CAPZB: variants seen among roughly 807,000 people sequenced by gnomAD.
CAPZB encodes the protein capping actin protein of muscle Z-line subunit beta.
A neutral mutation model predicts 38.1 loss-of-function variants in CAPZB; 2 were observed. The observed-to-expected ratio is 0.05, with a 90% CI of 0.02 to 0.17. The LOEUF (loss-of-function observed/expected upper bound fraction) is 0.17, where lower values mean the gene tolerates loss of function less well. CAPZB is among the 10% of genes least tolerant of loss of function. The pLI is 1.00. For missense variants in CAPZB, 161 were observed against 334.2 expected, an observed-to-expected ratio of 0.48 and a Z score of 4.04; for synonymous variants, 107 against 127.4, an observed-to-expected ratio of 0.84 and a Z score of 1.08.
chr1:19,390,982 G>A (rs573199337), intron 2 of CAPZB, among the ~76,000 whole-genome samples: 9 of 152,250 alleles, frequency 5.9e-5, no homozygotes, highest in East Asian at 1.9e-4. Flanking sequence ...CCGGAGCCAC[G>A]CAGCTACGGG....
intron 1 of CAPZB, chr1:19,449,286 A>G: frequency 9.5e-7 from 1 of 1,054,752 alleles, no homozygotes; most frequent in Admixed American, 4.5e-5. Context: ...CCAGAAGAGG[A>G]AATGCACTGG....
At chr1:19,411,154 G>A (rs2094355499) in intron 2 of CAPZB, among the ~76,000 whole-genome samples, 1 of 152,086 alleles carries the variant, frequency 6.6e-6, no homozygotes, top group South Asian at 2.1e-4. Context: ...CTTGAGTTCA[G>A]AAGTTTGAGA....
At chr1:19,399,717 T>A (rs1014247238) in intron 2 of CAPZB, among the ~76,000 whole-genome samples, 2 of 152,174 alleles carry the variant, frequency 1.3e-5, no homozygotes, top group Non-Finnish European at 2.9e-5. Flanking sequence ...CTACCTGGTT[T>A]ATTCAAGTTC....
intron 1 of CAPZB, among the ~76,000 whole-genome samples, chr1:19,458,495 C>T (rs35547176): frequency 0.31 from 47,444 of 152,022 alleles, 7,511 homozygotes; most frequent in Non-Finnish European, 0.34. Flanking sequence ...GCTGGGATTA[C>T]AGGTGCCTGC....
At chr1:19,456,587 C>T (rs1001625570) in intron 1 of CAPZB, among the ~76,000 whole-genome samples, 1 of 152,034 alleles carries the variant, frequency 6.6e-6, no homozygotes. Context: ...TGCACGATTC[C>T]CCCGTACAGA....
intron 1 of CAPZB, among the ~76,000 whole-genome samples, chr1:19,461,277 C>T (rs1426636715): frequency 6.7e-6 from 1 of 149,282 alleles, no homozygotes; most frequent in Non-Finnish European, 1.5e-5. Flanking sequence ...ACTGGCAAGC[C>T]TCAGCATAGG....
chr1:19,363,425 A>C (rs1453979649), intron 4 of CAPZB, among the ~76,000 whole-genome samples: 2 of 151,978 alleles, frequency 1.3e-5, no homozygotes, highest in African/African-American at 4.8e-5. Context: ...TGTGTCAGTA[A>C]TTCTCTTCTT....
At chr1:19,386,126 T>C (rs1000244128) in intron 2 of CAPZB, among the ~76,000 whole-genome samples, 13 of 152,260 alleles carry the variant, frequency 8.5e-5, no homozygotes, top group South Asian at 4.1e-4. Flanking sequence ...AGTTGGCTTG[T>C]AGAGTCAACT....
rs913637540 is a variant in CAPZB at position 19,356,205 on chromosome 1, G to A, written c.588+430C>T. 6.6e-6 allele frequency among the ~76,000 whole-genome samples: 1 copy of A among 152,190 alleles called. No individual in the cohort carries two copies. Among genetic ancestry groups the A allele is most frequent in the Non-Finnish European group, 1.5e-5 (1 of 68,036 alleles). On this transcript the variant is annotated intron_variant, in intron 6 of 8. Transcript: ENST00000264202. The surrounding 1 kb of genome is among the most constrained non-coding windows in gnomAD (Gnocchi z 4.3). ...CAAGCTCTTTGGTGATGCTGATGCTGGTCCTTGGACTACTCTGAGGGCAGC... is the reference window on the plus strand; with the variant it reads ...CAAGCTCTTTGGTGATGCTGATGCTAGTCCTTGGACTACTCTGAGGGCAGC...
intron 2 of CAPZB, among the ~76,000 whole-genome samples, chr1:19,396,959 T>TA (rs982940283): frequency 6.1e-4 from 89 of 145,538 alleles, no homozygotes; most frequent in South Asian, 6.5e-4. Context: ...CTCAAAAAAT[T>TA]AAAAAAAAAA....
chr1:19,381,439 C>T (rs1055259005), intron 3 of CAPZB, among the ~76,000 whole-genome samples: 2 of 152,068 alleles, frequency 1.3e-5, no homozygotes, highest in Non-Finnish European at 2.9e-5. Flanking sequence ...TAGTGCCAAG[C>T]AGATGCTGCT....
chr1:19,419,859 C>T (rs530641923), intron 1 of CAPZB, 109 bp from the exon 2 acceptor site: 14 of 671,754 alleles, frequency 2.1e-5, no homozygotes, highest in South Asian at 5.4e-5. Flanking sequence ...CAAAGAGCCA[C>T]GCAGTGGGCC....
At chr1:19,468,333 T>C (rs2094575107) in intron 1 of CAPZB, among the ~76,000 whole-genome samples, 1 of 152,202 alleles carries the variant, frequency 6.6e-6, no homozygotes, top group Admixed American at 6.5e-5. Flanking sequence ...ACTATCAGGT[T>C]ACAAAGGGCT....
chr1:19,409,326 A>G (rs1037020653), intron 2 of CAPZB, among the ~76,000 whole-genome samples: 2 of 151,944 alleles, frequency 1.3e-5, no homozygotes, highest in African/African-American at 4.8e-5. Flanking sequence ...AAGTCACGAA[A>G]TGTGCAGGTC....
At position 19,357,571 on chromosome 1, in the gene CAPZB, A is replaced by T. The variant is rs749729152; in HGVS notation, c.330-8T>A. 6.2e-7 allele frequency: 1 copy of T among 1,613,960 alleles called. No individual in the cohort carries two copies. Among genetic ancestry groups the T allele is most frequent in the Admixed American group, 1.7e-5 (1 of 60,022 alleles). ...ACGCCACCTTCAAAATACCTGCAGG[A>T]AACAGGCCAATGTGCCTGTTAGATG... On this transcript the variant is annotated splice_region_variant and splice_polypyrimidine_tract_variant and intron_variant, in intron 4 of 8. Coordinates refer to ENST00000264202, the MANE Select transcript of CAPZB (RefSeq NM_004930.5). The surrounding 1 kb of genome is among the most constrained non-coding windows in gnomAD (Gnocchi z 4.3).
intron 4 of CAPZB, among the ~76,000 whole-genome samples, chr1:19,369,624 G>A (rs2094109445): frequency 6.6e-6 from 1 of 152,228 alleles, no homozygotes; most frequent in Admixed American, 6.5e-5. Context: ...GCTCCACCCT[G>A]CTGTCCCGAG....
At chr1:19,426,642 T>A (rs1317692780) in intron 1 of CAPZB, among the ~76,000 whole-genome samples, 1 of 152,056 alleles carries the variant, frequency 6.6e-6, no homozygotes, top group Non-Finnish European at 1.5e-5. Context: ...TTCCTGAGAC[T>A]CCATGGACAG....
chr1:19,432,749 G>T (rs1166797415), intron 1 of CAPZB, among the ~76,000 whole-genome samples: 1 of 152,162 alleles, frequency 6.6e-6, no homozygotes, highest in African/African-American at 2.4e-5. Flanking sequence ...TGACACAGAA[G>T]GACATAACAC....
intron 6 of CAPZB, 146 bp from the exon 7 acceptor site, chr1:19,345,398 C>A (rs2093954860): frequency 1.5e-6 from 1 of 674,184 alleles, no homozygotes. Flanking sequence ...AGTTTTGCAG[C>A]CTGGGAACTG....
Sources: allele counts gnomAD v4.1 joint callset (sites outside exome capture counted in the v4.1 genomes callset), GRCh38; gene constraint gnomAD v4.1.1; non-coding constraint Gnocchi (gnomAD v3.1); transcripts MANE v1.5; gene names NCBI Gene and HGNC (gene_info 2026-07-23, HGNC 2026-07-21).